NHEJ1: variants seen among roughly 807,000 people sequenced by gnomAD.
The protein encoded by NHEJ1 is non-homologous end-joining factor 1.
In NHEJ1, 22 loss-of-function variants were observed where a neutral mutation model predicts 39.4. The observed-to-expected ratio is 0.56, with a 90% CI of 0.40 to 0.80. NHEJ1 has a LOEUF of 0.80. Ranked by LOEUF, NHEJ1 falls within the 30% of genes least tolerant of loss-of-function variation. NHEJ1 has a pLI of 0.00. For synonymous variants in NHEJ1, 154 were observed against 135.6 expected (o/e 1.14, Z -0.94); for missense variants, 329 against 357.1 (o/e 0.92, Z 0.63).
rs1026051265 is a variant in NHEJ1 at position 219,095,503 on chromosome 2, C to A, written c.589-17297G>T. 8.7e-5 allele frequency: 29 copies of A among 332,002 alleles called. No homozygotes were observed. The East Asian group carries it at 2.1e-3, about 24-fold the overall frequency. 20.6% of individuals were successfully genotyped at this position (332,002 alleles called of 1,614,324 possible). On this transcript the variant is annotated intron_variant, in intron 5 of 7. Coordinates refer to ENST00000356853, the MANE Select transcript of NHEJ1 (RefSeq NM_024782.3). ...TAGCTGTCTCCTTCCCATATCATTC[C>A]CCATATAACTGAAACCTAAGTTAAA...
chr2:219,159,578 T>TATATGC (rs1949904951), intron 1 of NHEJ1, among the ~76,000 whole-genome samples: 3 of 56,328 alleles, frequency 5.3e-5, no homozygotes, highest in Non-Finnish European at 1.0e-4. Flanking sequence ...TATATATGCA[T>TATATGC]ATATATATGC....
intron 5 of NHEJ1, among the ~76,000 whole-genome samples, chr2:219,110,012 T>C (rs1949349374): frequency 6.6e-6 from 1 of 152,220 alleles, no homozygotes; most frequent in African/African-American, 2.4e-5. Flanking sequence ...CGATTGGGTA[T>C]GTACCCCCTA....
intron 7 of NHEJ1, among the ~76,000 whole-genome samples, chr2:219,076,997 G>T (rs1949019888): frequency 6.6e-6 from 1 of 152,172 alleles, no homozygotes; most frequent in Admixed American, 6.5e-5. Context: ...GCCATCACCG[G>T]AAGTGGGATA....
chr2:219,153,826 T>C (rs2106366298), intron 3 of NHEJ1, among the ~76,000 whole-genome samples: 1 of 152,248 alleles, frequency 6.6e-6, no homozygotes, highest in South Asian at 2.1e-4. Context: ...TGGAGAAGTA[T>C]GAGGAACAGG....
chr2:219,104,509 C>T (rs190881810), intron 5 of NHEJ1, among the ~76,000 whole-genome samples: 82 of 152,140 alleles, frequency 5.4e-4, no homozygotes, highest in Non-Finnish European at 1.1e-3. Flanking sequence ...CAGAGGTTCC[C>T]TAGGAAACAA....
intron 5 of NHEJ1, among the ~76,000 whole-genome samples, chr2:219,107,538 G>A (rs1949325511): frequency 6.6e-6 from 1 of 152,226 alleles, no homozygotes; most frequent in South Asian, 2.1e-4. Context: ...AAGAAGGTAA[G>A]CAGACTGGCA....
intron 5 of NHEJ1, among the ~76,000 whole-genome samples, chr2:219,127,581 C>A (rs986243990): frequency 6.6e-6 from 1 of 152,184 alleles, no homozygotes. Flanking sequence ...ACCAACTCTG[C>A]CAATATTTAC....
At chr2:219,157,987 TCTCTCA>T (rs1454100981) in intron 2 of NHEJ1, among the ~76,000 whole-genome samples, 193 bp downstream of exon 2, 53 of 68,766 alleles carry the variant, frequency 7.7e-4, no homozygotes, top group South Asian at 2.4e-3. Flanking sequence ...TCTCTCTCTC[TCTCTCA>T]CACACACACA....
intron 5 of NHEJ1, chr2:219,095,478 T>C (rs1416399342): frequency 1.7e-5 from 6 of 358,134 alleles, no homozygotes; most frequent in Non-Finnish European, 2.9e-5. Flanking sequence ...GGTCACTTAA[T>C]AGCTGTCTCC....
intron 5 of NHEJ1, among the ~76,000 whole-genome samples, chr2:219,137,269 T>A (rs1949640535): frequency 6.6e-6 from 1 of 152,082 alleles, no homozygotes; most frequent in Non-Finnish European, 1.5e-5. Context: ...AAACAATTCT[T>A]TTATATGCCC....
In NHEJ1 at chr2:219,158,483, G is replaced by A. The variant is rs192675856; in HGVS notation, c.1-121C>T. 284 of 908,548 alleles carry A rather than the reference G, an allele frequency of 3.1e-4. 1 individual carries two copies. Among genetic ancestry groups the A allele is most frequent in the Admixed American group, 2.5e-4 (13 of 51,242 alleles). 56.3% of individuals were successfully genotyped at this position (908,548 alleles called of 1,614,324 possible). On this transcript the variant is annotated intron_variant, in intron 1 of 7. Coordinates refer to ENST00000356853, the MANE Select transcript of NHEJ1 (RefSeq NM_024782.3). ...AAAATCCTCCCTGATAAAATAGAAG[G>A]CATGGATTTACGTTCTCCCAGTATA...
At chr2:219,110,218 T>C (rs1362904008) in intron 5 of NHEJ1, among the ~76,000 whole-genome samples, 1 of 152,062 alleles carries the variant, frequency 6.6e-6, no homozygotes, top group East Asian at 1.9e-4. Flanking sequence ...AAAATCAACG[T>C]AATTAAAAAG....
intron 5 of NHEJ1, among the ~76,000 whole-genome samples, chr2:219,110,684 C>T (rs114211458): frequency 0.043 from 6,548 of 151,760 alleles, 484 homozygotes; most frequent in African/African-American, 0.15. Flanking sequence ...GAAGGTATCA[C>T]TTGAAAAAAG....
chr2:219,110,437 G>A (rs984757054), intron 5 of NHEJ1, among the ~76,000 whole-genome samples: 8 of 151,710 alleles, frequency 5.3e-5, no homozygotes, highest in Admixed American at 1.3e-4. Flanking sequence ...TGAGAGGATC[G>A]CTTGAACCCC....
intron 7 of NHEJ1, among the ~76,000 whole-genome samples, chr2:219,076,715 G>GC (rs1949017846): frequency 1.3e-5 from 2 of 151,860 alleles, no homozygotes; most frequent in Admixed American, 1.3e-4. Flanking sequence ...GGCTAATTTT[G>GC]TTTTTTGTAA....
intron 5 of NHEJ1, among the ~76,000 whole-genome samples, chr2:219,106,506 C>T (rs758975803): frequency 1.3e-5 from 2 of 152,192 alleles, no homozygotes; most frequent in Admixed American, 6.5e-5. Flanking sequence ...AGATCAAAGC[C>T]CTGTGACAGA....
chr2:219,121,903 TG>T (rs1314012965), intron 5 of NHEJ1, among the ~76,000 whole-genome samples: 1 of 152,126 alleles, frequency 6.6e-6, no homozygotes, highest in Non-Finnish European at 1.5e-5. Context: ...TAGGGTGGCT[TG>T]GGGTTTTCAT....
Position 219,110,231 on chromosome 2 carries a change from G to C in NHEJ1, c.589-32025C>G, listed in dbSNP as rs565635434. Among the ~76,000 whole-genome samples, 50 of 152,238 alleles carry C rather than the reference G, an allele frequency of 3.3e-4. No homozygotes were observed. The South Asian group carries it at 9.7e-3, about 30-fold the overall frequency. ...GTAAAATCAACGTAATTAAAAAGCA[G>C]AATCTAAGGGGTGCCCACTGCACCC... On this transcript the variant is annotated intron_variant, in intron 5 of 7. Transcript: ENST00000356853.
At chr2:219,124,270 A>G (rs1048801322) in intron 5 of NHEJ1, among the ~76,000 whole-genome samples, 2 of 152,236 alleles carry the variant, frequency 1.3e-5, no homozygotes, top group South Asian at 4.1e-4. Flanking sequence ...TAGGCCTGAA[A>G]AGGCTGGGAA....
Sources: gnomAD v4.1 joint callset for allele counts (sites outside exome capture counted in the v4.1 genomes callset) on GRCh38, gnomAD v4.1.1 for gene constraint, MANE v1.5 for transcripts, NCBI Gene and HGNC (gene_info 2026-07-23, HGNC 2026-07-21) for gene names.